TBC1D32: variants seen among roughly 807,000 people sequenced by gnomAD.
TBC1D32 encodes TBC1 domain family member 32, also known as protein broad-minded.
TBC1D32 carries 151 observed loss-of-function variants against 170.3 expected under a neutral mutation model. The ratio of observed to expected loss-of-function variants is 0.89; its 90% CI spans 0.78 to 1.01. TBC1D32 has a LOEUF of 1.01. Among genes scored for constraint, TBC1D32 ranks in the 50% least tolerant of loss-of-function variants. The probability of loss-of-function intolerance (pLI) is 0.00; values close to 1 mark genes in which losing one functional copy is unlikely to be tolerated. For missense variants in TBC1D32, 1,464 were observed against 1,457.1 expected (o/e 1.00, Z -0.08); for synonymous variants, 498 against 488.0 (o/e 1.02, Z -0.27).
chr6:121,098,534 T>G (rs1217266122), intron 30 of TBC1D32, among the ~76,000 whole-genome samples: 2 of 151,990 alleles, frequency 1.3e-5, no homozygotes, highest in Non-Finnish European at 2.9e-5. Flanking sequence ...AAAGAACCAC[T>G]CTTTATACTA....
chr6:121,215,190 T>A (rs1268356080), intron 21 of TBC1D32, among the ~76,000 whole-genome samples: 1 of 152,178 alleles, frequency 6.6e-6, no homozygotes, highest in Non-Finnish European at 1.5e-5. Context: ...GCAACCACAG[T>A]CAGGCTCGGA....
intron 20 of TBC1D32, among the ~76,000 whole-genome samples, chr6:121,225,395 T>C (rs1001592530): frequency 6.6e-6 from 1 of 152,040 alleles, no homozygotes; most frequent in Non-Finnish European, 1.5e-5. Flanking sequence ...ATAAATCCTT[T>C]ATTTTATGTT....
intron 13 of TBC1D32, among the ~76,000 whole-genome samples, 181 bp downstream of exon 13, chr6:121,283,637 A>G (rs1803362014): frequency 6.6e-6 from 1 of 151,958 alleles, no homozygotes; most frequent in African/African-American, 2.4e-5. Flanking sequence ...ATCTTAAAAC[A>G]TCAGTGAACA....
Position 121,304,596 on chromosome 6 carries a change from T to C in TBC1D32, c.799A>G (p.Arg267Gly). The C allele has an allele frequency of 1.9e-6, 3 of 1,610,840 alleles. No individual in the cohort carries two copies. The highest frequency in any genetic ancestry group is 2.2e-5 in the South Asian group (2 of 90,420). Residue 267 changes from arginine to glycine, a missense_variant, in exon 7 of 32, where the codon AGG (arginine) becomes GGG (glycine). Transcript: ENST00000398212. ...AKYLESYFLSRENHIPTLSAG... is the reference protein window; with the variant it reads ...AKYLESYFLSGENHIPTLSAG... ...GAAAGAGTAGGAATATGATTTTCCC[T>C]AGAAAGAAAGTATGACTCCAAATAC...
chr6:121,101,798 G>GTCC (rs1272295406), intron 30 of TBC1D32, among the ~76,000 whole-genome samples: 1 of 152,082 alleles, frequency 6.6e-6, no homozygotes, highest in African/African-American at 2.4e-5. Flanking sequence ...AAGTCAAATT[G>GTCC]TCCCTGTTTG....
chr6:121,310,602 C>T (rs1380751560), intron 4 of TBC1D32, among the ~76,000 whole-genome samples, 177 bp downstream of exon 4: 1 of 152,100 alleles, frequency 6.6e-6, no homozygotes, highest in Non-Finnish European at 1.5e-5. Flanking sequence ...GAAAGCCTCC[C>T]TTATTCTGTG....
At chr6:121,160,378 G>GTT (rs11310157) in intron 23 of TBC1D32, among the ~76,000 whole-genome samples, 20 of 151,718 alleles carry the variant, frequency 1.3e-4, no homozygotes, top group Admixed American at 2.0e-4. Flanking sequence ...AATTTACTGT[G>GTT]TTTTTTTTCA....
At chr6:121,150,223 G>T (rs147915882) in intron 24 of TBC1D32, among the ~76,000 whole-genome samples, 1 of 152,168 alleles carries the variant, frequency 6.6e-6, no homozygotes, top group Non-Finnish European at 1.5e-5. Context: ...TTAGCATGAA[G>T]GGGTGTTGCA....
intron 31 of TBC1D32, among the ~76,000 whole-genome samples, chr6:121,084,767 A>G (rs1423427053): frequency 6.6e-6 from 1 of 152,124 alleles, no homozygotes; most frequent in African/African-American, 2.4e-5. Context: ...GGCCTTTTGC[A>G]GTAGTAAACA....
chr6:121,201,102 T>C (rs539110289), intron 22 of TBC1D32, among the ~76,000 whole-genome samples: 1 of 151,574 alleles, frequency 6.6e-6, no homozygotes, highest in Admixed American at 6.5e-5. Context: ...TACTCCTCAC[T>C]AGATAACAAG....
At chr6:121,202,907 G>C (rs1791777491) in intron 22 of TBC1D32, among the ~76,000 whole-genome samples, 1 of 151,380 alleles carries the variant, frequency 6.6e-6, no homozygotes, top group Non-Finnish European at 1.5e-5. Flanking sequence ...CTTCATCTGA[G>C]TGTTGTGATA....
At chr6:121,146,826 T>C (rs557151874) in intron 24 of TBC1D32, among the ~76,000 whole-genome samples, 2 of 152,202 alleles carry the variant, frequency 1.3e-5, no homozygotes, top group Non-Finnish European at 2.9e-5. Context: ...TTGTATTTTT[T>C]AAATTTTAGA....
chr6:121,269,695 C>T (rs1255141465), intron 15 of TBC1D32, among the ~76,000 whole-genome samples: 2 of 152,114 alleles, frequency 1.3e-5, no homozygotes, highest in Admixed American at 6.6e-5. Flanking sequence ...CAACATTAGA[C>T]AGATCAAAGA....
In TBC1D32 at chr6:121,299,625, T is replaced by C. The variant is rs926837603; in HGVS notation, c.1081-120A>G. The stretch of plus-strand genomic sequence containing the variant: ...ACAATAGCTTAGGTTTAAACCCTTA[T>C]AGTCAATGACAGACAGGTGTTTATG... On this transcript the variant is annotated intron_variant, in intron 9 of 31. Coordinates refer to ENST00000398212, the MANE Select transcript of TBC1D32 (RefSeq NM_152730.6). The C allele has an allele frequency of 6.2e-6, 6 of 969,748 alleles. No individual in the cohort carries two copies. The Admixed American group carries it at 1.3e-4, about 21-fold the overall frequency. The allele number at this position is 969,748 out of a possible 1,614,324, so 60.1% of individuals were successfully genotyped here. A position where few individuals can be genotyped will look rare whatever the true frequency, so the allele number is the denominator to read the frequency against.
At chr6:121,201,632 A>G (rs9401379) in intron 22 of TBC1D32, among the ~76,000 whole-genome samples, 108,357 of 151,094 alleles carry the variant, frequency 0.72, 42,982 homozygotes, top group Non-Finnish European at 0.87. Flanking sequence ...TCAGTCTCAC[A>G]CTGGGGCTTC....
chr6:121,289,541 A>G (rs2128459722), intron 12 of TBC1D32, among the ~76,000 whole-genome samples: 1 of 152,344 alleles, frequency 6.6e-6, no homozygotes, highest in East Asian at 1.9e-4. Context: ...CATGGGTAGG[A>G]AGAATCAATA....
At position 121,281,760 on chromosome 6, in the gene TBC1D32, T is replaced by C. The variant is rs1399845654; in HGVS notation, c.1466-74A>G. On this transcript the variant is annotated intron_variant, in intron 13 of 31. Coordinates refer to ENST00000398212, the MANE Select transcript of TBC1D32 (RefSeq NM_152730.6). Reference sequence around the variant, plus strand: ...ACTATTTTATGTTAGCTGTTGTTGTTCCAAAAAGTTCAACATCAAAGTTAA... The same window carrying C: ...ACTATTTTATGTTAGCTGTTGTTGTCCCAAAAAGTTCAACATCAAAGTTAA... 6.5e-6 allele frequency: 8 copies of C among 1,231,022 alleles called. No homozygotes were observed. The Admixed American group carries it at 1.1e-4, about 16-fold the overall frequency. 76.3% of individuals were successfully genotyped at this position (1,231,022 alleles called of 1,614,324 possible).
intron 12 of TBC1D32, among the ~76,000 whole-genome samples, chr6:121,290,901 C>CA (rs1489190143): frequency 1.3e-5 from 2 of 151,738 alleles, no homozygotes; most frequent in African/African-American, 4.8e-5. Context: ...ATCTCAAGGA[C>CA]AAAAAAACCA....
intron 22 of TBC1D32, among the ~76,000 whole-genome samples, chr6:121,201,247 T>TC (rs5879591): frequency 0.72 from 108,381 of 151,078 alleles, 42,990 homozygotes; most frequent in Non-Finnish European, 0.87. Flanking sequence ...AAATTGTAAA[T>TC]TTACTGTGTA....
Sources: allele counts gnomAD v4.1 joint callset (sites outside exome capture counted in the v4.1 genomes callset), GRCh38; gene constraint gnomAD v4.1.1; transcripts MANE v1.5; gene names NCBI Gene and HGNC (gene_info 2026-07-23, HGNC 2026-07-21).